The following CALN1 variants were observed in gnomAD, a reference collection of about 807,000 sequenced individuals.
CALN1 encodes calneuron 1.
In CALN1, 17 loss-of-function variants were observed where a neutral mutation model predicts 30.6. The observed-to-expected ratio is 0.56, with a 90% confidence interval of 0.38 to 0.83. CALN1 has a LOEUF of 0.83. Ranked by LOEUF, CALN1 falls within the 40% of genes least tolerant of loss-of-function variation. The pLI, the probability that CALN1 is intolerant of heterozygous loss-of-function variation, is 0.00. For missense variants in CALN1, 291 were observed against 354.9 expected (o/e 0.82, Z 1.45); for synonymous variants, 156 against 131.4 (o/e 1.19, Z -1.28).
chr7:72,054,084 G>C (rs6976099), intron 4 of CALN1, among the ~76,000 whole-genome samples: 1 of 151,762 alleles, frequency 6.6e-6, no homozygotes, highest in Non-Finnish European at 1.5e-5. Flanking sequence ...TTGCTATTGC[G>C]AATTGTGCTG....
chr7:72,410,452 G>A (rs535347120), intron 1 of CALN1, among the ~76,000 whole-genome samples: 1 of 152,160 alleles, frequency 6.6e-6, no homozygotes, highest in Non-Finnish European at 1.5e-5. Flanking sequence ...TAAAATCAAA[G>A]TTGTTTTCTC....
At chr7:71,926,413 T>C (rs1795272586) in intron 5 of CALN1, among the ~76,000 whole-genome samples, 1 of 152,174 alleles carries the variant, frequency 6.6e-6, no homozygotes, top group Non-Finnish European at 1.5e-5. Context: ...CACTACCCAG[T>C]CATCGGAACA....
At chr7:72,101,458 AT>A (rs1806661660) in intron 4 of CALN1, among the ~76,000 whole-genome samples, 2 of 152,218 alleles carry the variant, frequency 1.3e-5, no homozygotes, top group African/African-American at 4.8e-5. Context: ...TCTCTAAAAT[AT>A]AAAGCAACGT....
At chr7:71,943,451 CTTTTT>C (rs369290571) in intron 5 of CALN1, among the ~76,000 whole-genome samples, 3 of 151,920 alleles carry the variant, frequency 2.0e-5, no homozygotes, top group South Asian at 2.1e-4. Flanking sequence ...AAGAATTTTT[CTTTTT>C]TTGAGACAGG....
At chr7:72,007,581 A>G (rs564622189) in intron 5 of CALN1, among the ~76,000 whole-genome samples, 29 of 152,140 alleles carry the variant, frequency 1.9e-4, no homozygotes, top group African/African-American at 6.7e-4. Flanking sequence ...ACAACTTAAT[A>G]TTATCTGAAA....
intron 5 of CALN1, among the ~76,000 whole-genome samples, chr7:71,988,745 A>C (rs1443043823): frequency 1.3e-5 from 2 of 152,204 alleles, no homozygotes; most frequent in Non-Finnish European, 2.9e-5. Context: ...CTGGTTCACA[A>C]GAAATCTGAT....
chr7:72,413,501 AACTC>A (rs1035170436), upstream of CALN1, among the ~76,000 whole-genome samples: 2 of 151,518 alleles, frequency 1.3e-5, no homozygotes, highest in African/African-American at 2.4e-5. Flanking sequence ...TAAGGACACA[AACTC>A]ACACATCAGA....
rs146317600 is a variant in CALN1 at position 72,301,406 on chromosome 7, G to C, written c.120-22596C>G. ...GTGTATCACTTGAGGTCAGGAGTTC[G>C]AGACCAGCCTAGCCAACATGGTGAA... is the stretch of plus-strand genomic sequence containing the variant. On this transcript the variant is annotated intron_variant, in intron 2 of 6. Transcript: ENST00000395275. 2.3e-4 allele frequency among the ~76,000 whole-genome samples: 35 copies of C among 151,916 alleles called. No individual in the cohort carries two copies. In the East Asian group the frequency reaches 6.6e-3, roughly 29 times the overall value.
At chr7:71,859,006 G>C (rs1791115017) in intron 5 of CALN1, among the ~76,000 whole-genome samples, 1 of 152,114 alleles carries the variant, frequency 6.6e-6, no homozygotes, top group Admixed American at 6.6e-5. Flanking sequence ...GTTCAGAGTA[G>C]AAGGGGTCCT....
the CALN1 span, among the ~76,000 whole-genome samples, chr7:72,501,960 TATATATAA>T: frequency 4.5e-3 from 526 of 116,592 alleles, 16 homozygotes; most frequent in African/African-American, 8.7e-3. Flanking sequence ...CACACATATA[TATATATAA>T]ATATATATAC....
At chr7:71,942,883 C>T (rs1363406568) in intron 5 of CALN1, among the ~76,000 whole-genome samples, 1 of 152,182 alleles carries the variant, frequency 6.6e-6, no homozygotes, top group African/African-American at 2.4e-5. Flanking sequence ...AGACGCATAT[C>T]TGATTTGCCT....
chr7:72,336,660 G>A (rs967059789), intron 2 of CALN1: 52 of 981,932 alleles, frequency 5.3e-5, no homozygotes, highest in East Asian at 2.3e-4. Context: ...GAAGAAAAGA[G>A]AGCGCGCGCG....
chr7:72,165,075 C>T (rs1192860960), intron 3 of CALN1, among the ~76,000 whole-genome samples: 1 of 152,154 alleles, frequency 6.6e-6, no homozygotes, highest in Non-Finnish European at 1.5e-5. Flanking sequence ...CTATGCATTT[C>T]ACTGTTTCTA....
At chr7:71,832,234 G>A (rs1475724370) in intron 5 of CALN1, among the ~76,000 whole-genome samples, 4 of 152,188 alleles carry the variant, frequency 2.6e-5, no homozygotes, top group Admixed American at 2.6e-4. Context: ...AGGATGAGAT[G>A]TCACTGCTAT....
rs1229102154 is a variant in CALN1, at chr7:71,790,329, GGAAAGAAAGAAAGAAAGAAAAGAAA to G, written c.659-2452_659-2428del. 1.0e-3 allele frequency among the ~76,000 whole-genome samples: 100 copies of G among 98,658 alleles called. 1 individual carries two copies. The highest frequency in any genetic ancestry group is 7.0e-3 in the East Asian group (17 of 2,424). 64.7% of individuals were successfully genotyped at this position (98,658 alleles called of 152,430 possible). A position where few individuals can be genotyped will look rare whatever the true frequency, so the allele number is the denominator to read the frequency against. ...AAAGAAAGAAGAAAGAAAGAAAGAA[GGAAAGAAAGAAAGAAAGAAAAGAAA>G]GAAAGAAAGAAAGAAAAGAAAGAAA... On this transcript the variant is annotated intron_variant, in intron 6 of 6. Transcript: ENST00000395275.
chr7:72,335,714 C>G (rs1801977486), intron 2 of CALN1, among the ~76,000 whole-genome samples: 1 of 152,246 alleles, frequency 6.6e-6, no homozygotes, highest in African/African-American at 2.4e-5. Context: ...AGGCGCCTTC[C>G]TCACACAAGC....
At position 72,402,083 on chromosome 7, in the gene CALN1, G is replaced by A. The variant is rs114790525; in HGVS notation, c.119+1168C>T. Reference sequence around the variant, plus strand: ...AACCTTCCTTGCTCTTCCTTGCTCTGAGCCTGCCCTTCAGCATTTGTCATT... The same window carrying A: ...AACCTTCCTTGCTCTTCCTTGCTCTAAGCCTGCCCTTCAGCATTTGTCATT... On this transcript the variant is annotated intron_variant, in intron 2 of 6. Coordinates refer to ENST00000395275, the MANE Select transcript of CALN1 (RefSeq NM_031468.4). Among the ~76,000 whole-genome samples the A allele has an allele frequency of 8.7e-3, 1,326 of 152,254 alleles. 23 individuals are homozygous for A. The highest frequency in any genetic ancestry group is 0.029 in the African/African-American group (1,192 of 41,524).
intron 3 of CALN1, among the ~76,000 whole-genome samples, chr7:72,278,318 T>C (rs573987): frequency 0.011 from 1,698 of 152,244 alleles, 29 homozygotes; most frequent in African/African-American, 0.038. Flanking sequence ...ATGGACTCCA[T>C]TGTCAGTGAC....
intron 2 of CALN1, among the ~76,000 whole-genome samples, chr7:72,296,877 T>C (rs1798902487): frequency 6.6e-6 from 1 of 151,922 alleles, no homozygotes; most frequent in South Asian, 2.1e-4. Flanking sequence ...ACTCTGATTT[T>C]AGTTATTTCT....
Sources: allele counts gnomAD v4.1 joint callset (sites outside exome capture counted in the v4.1 genomes callset), GRCh38; gene constraint gnomAD v4.1.1; transcripts MANE v1.5; gene names NCBI Gene and HGNC (gene_info 2026-07-23, HGNC 2026-07-21).